SYT1: variants seen among roughly 807,000 people sequenced by gnomAD.
SYT1 encodes the protein synaptotagmin 1, also known as synaptotagmin-1.
Under a neutral mutation model 44.8 loss-of-function variants are expected in SYT1, and 8 were observed. That is an observed-to-expected ratio of 0.18 (90% CI 0.10 to 0.32). The LOEUF (loss-of-function observed/expected upper bound fraction) is 0.32, where lower values mean the gene tolerates loss of function less well. Ranked by LOEUF, SYT1 falls within the 10% of genes least tolerant of loss-of-function variation. The pLI, the probability that SYT1 is intolerant of heterozygous loss-of-function variation, is 1.00. For missense variants in SYT1, 286 were observed against 509.3 expected (o/e 0.56, Z 4.22); for synonymous variants, 154 against 188.8 (o/e 0.82, Z 1.51).
At chr12:78,967,465 A>G (rs1026398178) in intron 1 of SYT1, among the ~76,000 whole-genome samples, 2 of 152,192 alleles carry the variant, frequency 1.3e-5, no homozygotes, top group Non-Finnish European at 2.9e-5. Context: ...TAGAAGGAAA[A>G]GGAATACCAG....
intron 3 of SYT1, among the ~76,000 whole-genome samples, chr12:79,054,299 T>G (rs551199044): frequency 2.6e-5 from 4 of 152,056 alleles, no homozygotes; most frequent in Admixed American, 6.6e-5. Context: ...GTTACTTTTC[T>G]TTTCTACTTA....
At chr12:78,988,695 G>T (rs1869822666) in intron 2 of SYT1, among the ~76,000 whole-genome samples, 2 of 152,048 alleles carry the variant, frequency 1.3e-5, no homozygotes, top group African/African-American at 4.8e-5. Context: ...CAGAGATTTA[G>T]ATGGAAATCA....
intron 4 of SYT1, among the ~76,000 whole-genome samples, chr12:79,253,802 G>A (rs1877366466): frequency 6.6e-6 from 1 of 152,104 alleles, no homozygotes. Context: ...CAAATCACAA[G>A]AAAGTGAAAC....
At chr12:79,015,061 T>C (rs1871711671) in intron 2 of SYT1, among the ~76,000 whole-genome samples, 1 of 149,932 alleles carries the variant, frequency 6.7e-6, no homozygotes, top group Admixed American at 6.7e-5. Context: ...GGGACTGTTG[T>C]AGGGTGGGGG....
At chr12:79,108,388 G>C (rs953307432) in intron 3 of SYT1, among the ~76,000 whole-genome samples, 2 of 151,564 alleles carry the variant, frequency 1.3e-5, no homozygotes, top group African/African-American at 4.8e-5. Flanking sequence ...TATTCTAATA[G>C]AAAATTTTAT....
chr12:79,062,239 G>A (rs986304759), intron 3 of SYT1, among the ~76,000 whole-genome samples: 3 of 152,152 alleles, frequency 2.0e-5, no homozygotes, highest in African/African-American at 7.2e-5. Flanking sequence ...GTGCTGTCAT[G>A]CTTTTGGTTA....
At chr12:79,198,189 A>C (rs1873573464) in intron 3 of SYT1, among the ~76,000 whole-genome samples, 1 of 152,176 alleles carries the variant, frequency 6.6e-6, no homozygotes, top group Non-Finnish European at 1.5e-5. Flanking sequence ...TTGGCGTTTT[A>C]GTACTTACAT....
intron 9 of SYT1, among the ~76,000 whole-genome samples, chr12:79,441,545 C>T (rs573949570): frequency 6.6e-6 from 1 of 152,082 alleles, no homozygotes; most frequent in Non-Finnish European, 1.5e-5. Flanking sequence ...AAACTCCTAA[C>T]CTCAGGTGAT....
At chr12:79,211,383 T>C (rs186988364) in intron 3 of SYT1, among the ~76,000 whole-genome samples, 1 of 152,350 alleles carries the variant, frequency 6.6e-6, no homozygotes, top group Non-Finnish European at 1.5e-5. Context: ...ATTGCTTTTA[T>C]ATCCATTTAA....
At chr12:79,317,495 C>T (rs1881148333) in intron 8 of SYT1, among the ~76,000 whole-genome samples, 1 of 152,196 alleles carries the variant, frequency 6.6e-6, no homozygotes, top group Non-Finnish European at 1.5e-5. Flanking sequence ...GGGCGCCTTG[C>T]TCCTGGGCTT....
intron 3 of SYT1, among the ~76,000 whole-genome samples, chr12:79,171,339 C>G (rs1248470529): frequency 1.3e-5 from 2 of 151,960 alleles, no homozygotes; most frequent in African/African-American, 4.8e-5. Context: ...GAATGTTTTT[C>G]CATTTGTTTG....
chr12:79,192,653 A>T (rs1873201838), intron 3 of SYT1, among the ~76,000 whole-genome samples: 3 of 152,090 alleles, frequency 2.0e-5, no homozygotes, highest in Non-Finnish European at 2.9e-5. Flanking sequence ...AAGCTGAATG[A>T]CCTTGCTGGT....
intron 3 of SYT1, among the ~76,000 whole-genome samples, chr12:79,094,000 T>G (rs1436887135): frequency 6.6e-6 from 1 of 151,628 alleles, no homozygotes; most frequent in East Asian, 1.9e-4. Flanking sequence ...CAGGACATAT[T>G]TACCAGCCAA....
chr12:79,158,708 G>A (rs1395912656), intron 3 of SYT1, among the ~76,000 whole-genome samples: 1 of 152,028 alleles, frequency 6.6e-6, no homozygotes. Flanking sequence ...GACCAGCCTG[G>A]GCAACATGGT....
intron 4 of SYT1, among the ~76,000 whole-genome samples, chr12:79,247,322 G>A (rs7966905): frequency 0.011 from 1,670 of 152,186 alleles, 30 homozygotes; most frequent in African/African-American, 0.037. Context: ...GATATCTGAA[G>A]TTAAAAACCA....
At chr12:79,206,141 AAAAAC>A (rs1874111215) in intron 3 of SYT1, among the ~76,000 whole-genome samples, 2 of 152,292 alleles carry the variant, frequency 1.3e-5, no homozygotes, top group African/African-American at 4.8e-5. Flanking sequence ...TGCACACAAA[AAAAAC>A]AAAAATAAAA....
chr12:79,138,028 A>T (rs759097621), intron 3 of SYT1, among the ~76,000 whole-genome samples: 1 of 152,202 alleles, frequency 6.6e-6, no homozygotes, highest in Non-Finnish European at 1.5e-5. Context: ...CCATCACGTC[A>T]TTCAATAATA....
intron 8 of SYT1, among the ~76,000 whole-genome samples, chr12:79,348,451 A>ATGAATGAAGGCATGTGGTCAGGT (rs1882701780): frequency 6.6e-6 from 1 of 152,172 alleles, no homozygotes; most frequent in Non-Finnish European, 1.5e-5. Flanking sequence ...TAATAACCCT[A>ATGAATGAAGGCATGTGGTCAGGT]TGAATGAAGG....
At chr12:78,955,023 C>T (rs1472404383) in intron 1 of SYT1, among the ~76,000 whole-genome samples, 3 of 152,128 alleles carry the variant, frequency 2.0e-5, no homozygotes, top group Non-Finnish European at 4.4e-5. Flanking sequence ...GTAAATCCAT[C>T]TGCTGAGTTC....
Sources: gnomAD v4.1 joint callset for allele counts (sites outside exome capture counted in the v4.1 genomes callset) on GRCh38, gnomAD v4.1.1 for gene constraint, MANE v1.5 for transcripts, NCBI Gene and HGNC (gene_info 2026-07-23, HGNC 2026-07-21) for gene names.